Variants in GATA6 observed in about 807,000 individuals in gnomAD.
The protein encoded by GATA6 is GATA binding protein 6.
In GATA6, 11 loss-of-function variants were observed where a neutral mutation model predicts 48.1. The ratio of observed to expected loss-of-function variants is 0.23; its 90% CI spans 0.14 to 0.38. The LOEUF (loss-of-function observed/expected upper bound fraction) is 0.38, where lower values mean the gene tolerates loss of function less well. Among genes scored for constraint, GATA6 ranks in the 10% least tolerant of loss-of-function variants. GATA6 has a pLI of 1.00. For missense variants in GATA6, 795 were observed against 850.3 expected, an observed-to-expected ratio of 0.93 and a Z score of 0.81; for synonymous variants, 419 against 396.1, an observed-to-expected ratio of 1.06 and a Z score of -0.69.
In GATA6 at chr18:22,171,750, G is replaced by A. The variant is rs1407999679; in HGVS notation, c.606G>A (p.Pro202=). 4.8e-6 allele frequency: 7 copies of A among 1,452,372 alleles called. No individual in the cohort carries two copies. The Admixed American group carries it at 1.1e-4, about 23-fold the overall frequency. 90.0% of individuals were successfully genotyped at this position (1,452,372 alleles called of 1,614,324 possible). The change falls in exon 2 of 7, where the codon CCG becomes CCA. Residue 202 remains proline, a synonymous_variant. Transcript: ENST00000269216. The surrounding 1 kb of genome is among the most constrained non-coding windows in gnomAD (Gnocchi z 7.1). ...TGGGTTCCATGCTGCCCGGCCTACCGTACCACCTGCAGGGGTCGGGCAGTG... is the reference window on the plus strand; with the variant it reads ...TGGGTTCCATGCTGCCCGGCCTACCATACCACCTGCAGGGGTCGGGCAGTG... The part of the protein sequence containing the change: ...TRVGSMLPGL[P]YHLQGSGSGP...
In GATA6 at chr18:22,171,048, C is replaced by T; in HGVS notation, c.-37-60C>T. ...GGAGTGGAGGCGAGGTAGCGTGCAG[C>T]CTACGCTCTTGTTAACCCGTCGATC... On this transcript the variant is annotated intron_variant, in intron 1 of 6. Transcript: ENST00000269216. The surrounding 1 kb of genome is among the most constrained non-coding windows in gnomAD (Gnocchi z 7.1). 1 of 1,019,564 alleles carries T rather than the reference C, an allele frequency of 9.8e-7. No individual in the cohort carries two copies. The highest frequency in any genetic ancestry group is 1.5e-6 in the Non-Finnish European group (1 of 670,190). The allele number at this position is 1,019,564 out of a possible 1,614,324, so 63.2% of individuals were successfully genotyped here.
chr18:22,200,867 A>C lies in GATA6; in HGVS notation c.*44A>C, dbSNP rs1303548369. On this transcript the variant is annotated 3_prime_UTR_variant, in exon 7 of 7. Transcript: ENST00000269216. ...CAGGGAGGGCTCCGCCGCGGGCCTC[A>C]CTCCACTCGTGTCTGCTTTTGTGCA... 8 of 1,567,130 alleles carry C rather than the reference A, an allele frequency of 5.1e-6. No homozygotes were observed. Among genetic ancestry groups the C allele is most frequent in the Non-Finnish European group, 6.9e-6 (8 of 1,154,546 alleles).
In GATA6 at chr18:22,182,748, A is replaced by AT; in HGVS notation, c.1429-3dup. 1 of 1,608,520 alleles carries AT rather than the reference A, an allele frequency of 6.2e-7. No homozygotes were observed. The highest frequency in any genetic ancestry group is 8.5e-7 in the Non-Finnish European group (1 of 1,176,068). On this transcript the variant is annotated splice_polypyrimidine_tract_variant and intron_variant, in intron 4 of 6. Coordinates refer to ENST00000269216, the MANE Select transcript of GATA6 (RefSeq NM_005257.6). ...TATTAAATTTATGGCCTATGTGAAA[A>AT]TTTTTTAGGTGCCCAGACCACTTGC...
At chr18:22,182,588 C>A (rs1249820417) in intron 4 of GATA6, among the ~76,000 whole-genome samples, 169 bp from the exon 5 acceptor site, 1 of 152,154 alleles carries the variant, frequency 6.6e-6, no homozygotes, top group Admixed American at 6.5e-5. Flanking sequence ...GAACTCCTGA[C>A]CTCAGGTGAT....
At chr18:22,177,176 CCGGCCGGCCCCGCCCTGGCT>C in intron 3 of GATA6, 55 bp downstream of exon 3, 1 of 1,470,442 alleles carries the variant, frequency 6.8e-7, no homozygotes, top group Non-Finnish European at 9.0e-7. Context: ...CTCTCCTGGC[CCGGCCGGCCCCGCCCTGGCT>C]CGGCCTGCCT....
chr18:22,197,332 G>A (rs372587763), intron 6 of GATA6, among the ~76,000 whole-genome samples: 4 of 152,268 alleles, frequency 2.6e-5, no homozygotes, highest in East Asian at 1.9e-4. Context: ...GATTGCAGGC[G>A]TGGGCCACCG....
At chr18:22,196,687 G>A (rs1437275849) in intron 6 of GATA6, among the ~76,000 whole-genome samples, 1 of 152,038 alleles carries the variant, frequency 6.6e-6, no homozygotes, top group Admixed American at 6.5e-5. Context: ...GTTGCAGTGA[G>A]CCAAGATCAC....
intron 6 of GATA6, among the ~76,000 whole-genome samples, chr18:22,189,480 G>A (rs1371333399): frequency 6.6e-6 from 1 of 151,992 alleles, no homozygotes; most frequent in Non-Finnish European, 1.5e-5. Context: ...TTCAAGTAAT[G>A]GAATTTTTTT....
intron 6 of GATA6, among the ~76,000 whole-genome samples, chr18:22,189,708 G>A (rs1188395127): frequency 6.6e-6 from 1 of 152,174 alleles, no homozygotes; most frequent in East Asian, 1.9e-4. Context: ...GAGGACTCGA[G>A]AGCCAAACAG....
At chr18:22,200,200 T>TGTGC (rs34914720) in intron 6 of GATA6, among the ~76,000 whole-genome samples, 2,865 of 147,832 alleles carry the variant, frequency 0.019, 44 homozygotes, top group Non-Finnish European at 0.027. Context: ...TGTGTGTGTG[T>TGTGC]GCGCGCGCAC....
intron 3 of GATA6, among the ~76,000 whole-genome samples, chr18:22,178,928 G>C (rs1053276954): frequency 6.6e-6 from 1 of 152,068 alleles, no homozygotes; most frequent in Non-Finnish European, 1.5e-5. Flanking sequence ...ACTTTCAAAG[G>C]TAACATTTTC....
In GATA6 at chr18:22,201,013, T is replaced by A; in HGVS notation, c.*190T>A. On this transcript the variant is annotated 3_prime_UTR_variant, in exon 7 of 7. Transcript: ENST00000269216. ...AGAGAAGATGGAAGGGAAGGGCCAG[T>A]GCAACTGGGCGCTTGGGCCACTCCA... is the stretch of plus-strand genomic sequence containing the variant. 1.3e-6 allele frequency: 1 copy of A among 765,920 alleles called. No homozygotes were observed. The highest frequency in any genetic ancestry group is 2.1e-6 in the Non-Finnish European group (1 of 487,352). The allele number at this position is 765,920 out of a possible 1,614,324, so 47.4% of individuals were successfully genotyped here. A position where few individuals can be genotyped will look rare whatever the true frequency, so the allele number is the denominator to read the frequency against.
chr18:22,185,884 T>C lies in GATA6; in HGVS notation c.1620+2841T>C, dbSNP rs1271041466. ...GTGGCTGCCGAGTAGCTGTGAAGAG[T>C]CTGCTGGAGGAGCCATCTGTGAGCA... is the stretch of plus-strand genomic sequence containing the variant. On this transcript the variant is annotated intron_variant, in intron 6 of 6. Coordinates refer to ENST00000269216, the MANE Select transcript of GATA6 (RefSeq NM_005257.6). The surrounding 1 kb of genome is among the most constrained non-coding windows in gnomAD (Gnocchi z 4.3). Among the ~76,000 whole-genome samples, 1 of 151,924 alleles carries C rather than the reference T, an allele frequency of 6.6e-6. No individual in the cohort carries two copies. Among genetic ancestry groups the C allele is most frequent in the Admixed American group, 6.6e-5 (1 of 15,258 alleles).
chr18:22,200,583 A>G lies in GATA6; in HGVS notation c.1621-73A>G, dbSNP rs543438198. The G allele has an allele frequency of 6.3e-6, 10 of 1,581,708 alleles. No homozygotes were observed. In the South Asian group the frequency reaches 8.8e-5, roughly 14 times the overall value. The stretch of plus-strand genomic sequence containing the variant: ...TGCACAGACCCGTTCATTAGCTCCC[A>G]TGTATTTCACTACCAGGATTGTAAC... On this transcript the variant is annotated intron_variant, in intron 6 of 6. Coordinates refer to ENST00000269216, the MANE Select transcript of GATA6 (RefSeq NM_005257.6).
intron 3 of GATA6, among the ~76,000 whole-genome samples, chr18:22,178,128 A>AT (rs752625206): frequency 1.1e-4 from 17 of 149,986 alleles, no homozygotes; most frequent in African/African-American, 3.4e-4. Context: ...CGCCCGGCTC[A>AT]TTTTTTTGTA....
chr18:22,177,952 G>GTTTTTTTTTTTTT (rs775374335), intron 3 of GATA6, among the ~76,000 whole-genome samples: 2 of 80,500 alleles, frequency 2.5e-5, no homozygotes, highest in Admixed American at 1.3e-4. Context: ...CTGTTTTTTT[G>GTTTTTTTTTTTTT]TTTTTTTTTT....
intron 6 of GATA6, among the ~76,000 whole-genome samples, chr18:22,196,107 C>CA (rs1277081032): frequency 2.6e-5 from 4 of 152,212 alleles, no homozygotes; most frequent in Non-Finnish European, 5.9e-5. Context: ...TAAGTAACAT[C>CA]AGCCTTTCTT....
rs759639860 is a variant in GATA6 at position 22,200,723 on chromosome 18, C to T, written c.1688C>T (p.Ser563Leu). The change falls in exon 7 of 7, where the codon TCG becomes TTG. Residue 563 changes from serine to leucine, a missense_variant. Ser to Leu is a moderately radical substitution (Grantham distance 145). Coordinates refer to ENST00000269216, the MANE Select transcript of GATA6 (RefSeq NM_005257.6). ...TNPENSELKY[S>L]GQDGLYIGVS... ...CCCGAGAACAGCGAGCTCAAGTATT[C>T]GGGTCAAGATGGGCTCTACATAGGC... 3.1e-6 allele frequency: 5 copies of T among 1,614,090 alleles called. No individual in the cohort carries two copies. Among genetic ancestry groups the T allele is most frequent in the South Asian group, 1.1e-5 (1 of 91,088 alleles).
chr18:22,182,460 C>A (rs544401945), intron 4 of GATA6, among the ~76,000 whole-genome samples: 3 of 151,620 alleles, frequency 2.0e-5, no homozygotes, highest in Non-Finnish European at 2.9e-5. Flanking sequence ...TGGGTTCAAG[C>A]GATTCTCCTG....
Sources: gnomAD v4.1 joint callset for allele counts (sites outside exome capture counted in the v4.1 genomes callset) on GRCh38, gnomAD v4.1.1 for gene constraint, Gnocchi (gnomAD v3.1) non-coding constraint, MANE v1.5 for transcripts, NCBI Gene and HGNC (gene_info 2026-07-23, HGNC 2026-07-21) for gene names.